The following AKAP6 variants were observed in gnomAD, a reference collection of about 807,000 sequenced individuals.
The protein encoded by AKAP6 is A-kinase anchor protein 6.
AKAP6 carries 58 observed loss-of-function variants against 188.5 expected under a neutral mutation model. That is an observed-to-expected ratio of 0.31 (90% confidence interval 0.25 to 0.38). The LOEUF is 0.38. Ranked by LOEUF, AKAP6 falls within the 10% of genes least tolerant of loss-of-function variation. The pLI is 1.00. For missense variants in AKAP6, 2,710 were observed against 2,740.0 expected (o/e 0.99, Z 0.24); for synonymous variants, 989 against 998.6 (o/e 0.99, Z 0.18).
At chr14:32,510,428 A>G (rs1176014300) in intron 2 of AKAP6, among the ~76,000 whole-genome samples, 2 of 87,510 alleles carry the variant, frequency 2.3e-5, no homozygotes, top group African/African-American at 1.3e-4. Context: ...ATATATACAT[A>G]TATATATGTG....
At chr14:32,344,187 G>C (rs952179936) in intron 1 of AKAP6, among the ~76,000 whole-genome samples, 1 of 152,168 alleles carries the variant, frequency 6.6e-6, no homozygotes, top group Non-Finnish European at 1.5e-5. Context: ...CATTGCCCAA[G>C]GCCATGTCCC....
chr14:32,358,083 G>T (rs1244373777), intron 1 of AKAP6, among the ~76,000 whole-genome samples: 3 of 152,140 alleles, frequency 2.0e-5, no homozygotes, highest in African/African-American at 7.2e-5. Flanking sequence ...ATTGAAAGAG[G>T]GCATCAAAGA....
rs113182099 is a variant in AKAP6 at position 32,446,973 on chromosome 14, T to C, written c.324+13156T>C. Among the ~76,000 whole-genome samples the C allele has an allele frequency of 8.9e-4, 135 of 152,332 alleles. 1 individual carries two copies. Among genetic ancestry groups the C allele is most frequent in the African/African-American group, 3.0e-3 (126 of 41,580 alleles). ...TTGTTACCCAAAGATAGCAAAAAAT[T>C]CTTATTCTGAAATGAAACTATTTAA... On this transcript the variant is annotated intron_variant, in intron 2 of 13. Coordinates refer to ENST00000280979, the MANE Select transcript of AKAP6 (RefSeq NM_004274.5).
intron 4 of AKAP6, among the ~76,000 whole-genome samples, chr14:32,550,530 G>T (rs1883409389): frequency 1.3e-5 from 2 of 152,138 alleles, no homozygotes; most frequent in Non-Finnish European, 2.9e-5. Context: ...CATATAATTT[G>T]TATATGACTT....
intron 2 of AKAP6, among the ~76,000 whole-genome samples, chr14:32,442,118 T>A (rs1435407083): frequency 6.6e-6 from 1 of 152,220 alleles, no homozygotes; most frequent in Non-Finnish European, 1.5e-5. Flanking sequence ...ATAGAGTATC[T>A]AATATATACT....
intron 2 of AKAP6, among the ~76,000 whole-genome samples, chr14:32,446,458 C>G (rs1890758716): frequency 6.6e-6 from 1 of 152,062 alleles, no homozygotes; most frequent in South Asian, 2.1e-4. Context: ...TTCTTGTGAT[C>G]TGCATGTATC....
At chr14:32,682,554 G>A (rs890792470) in intron 8 of AKAP6, among the ~76,000 whole-genome samples, 1 of 152,208 alleles carries the variant, frequency 6.6e-6, no homozygotes, top group African/African-American at 2.4e-5. Flanking sequence ...CAGACTGCTT[G>A]CTGTTTCATA....
intron 2 of AKAP6, among the ~76,000 whole-genome samples, chr14:32,440,608 G>C (rs900158361): frequency 1.3e-5 from 2 of 152,078 alleles, no homozygotes; most frequent in African/African-American, 4.8e-5. Flanking sequence ...CAAGATCTTT[G>C]ATATATACTT....
intron 12 of AKAP6, among the ~76,000 whole-genome samples, chr14:32,792,577 G>A (rs2033642360): frequency 6.6e-6 from 1 of 152,124 alleles, no homozygotes; most frequent in South Asian, 2.1e-4. Context: ...GAGGTAATTT[G>A]ACTTCCTCCC....
chr14:32,378,414 C>T (rs1319495693), intron 1 of AKAP6, among the ~76,000 whole-genome samples: 1 of 152,162 alleles, frequency 6.6e-6, no homozygotes, highest in African/African-American at 2.4e-5. Context: ...ATCCCTTCCC[C>T]CATGAAATAT....
At chr14:32,712,119 A>G (rs2029898580) in intron 9 of AKAP6, among the ~76,000 whole-genome samples, 1 of 152,056 alleles carries the variant, frequency 6.6e-6, no homozygotes, top group South Asian at 2.1e-4. Flanking sequence ...TACCACCATA[A>G]TAAGGCAAAT....
chr14:32,833,040 A>G lies in AKAP6; in HGVS notation c.*3235A>G, dbSNP rs543964742. The G allele has an allele frequency of 2.6e-5, 4 of 152,648 alleles. No individual in the cohort carries two copies. The highest frequency in any genetic ancestry group is 9.6e-5 in the African/African-American group (4 of 41,584). The allele number at this position is 152,648 out of a possible 1,614,324, so 9.5% of individuals were successfully genotyped here. A position where few individuals can be genotyped will look rare whatever the true frequency, so the allele number is the denominator to read the frequency against. ...GTTTATTCTATTATTGTAAATTTCAAACAATAAATAAATAAGAATCCATGA... is the reference window on the plus strand; with the variant it reads ...GTTTATTCTATTATTGTAAATTTCAGACAATAAATAAATAAGAATCCATGA... On this transcript the variant is annotated 3_prime_UTR_variant, in exon 14 of 14. Transcript: ENST00000280979.
rs1166941699 is a variant in AKAP6 at position 32,800,125 on chromosome 14, T to TAC, written c.3589-21271_3589-21270dup. 2.1e-5 allele frequency among the ~76,000 whole-genome samples: 3 copies of TAC among 142,452 alleles called. No individual in the cohort carries two copies. The South Asian group carries it at 6.5e-4, about 31-fold the overall frequency. 93.5% of individuals were successfully genotyped at this position (142,452 alleles called of 152,430 possible). ...ATAGAAATATATATACACATATATA[T>TAC]ACACACATATATATACACACATATA... On this transcript the variant is annotated intron_variant, in intron 12 of 13. Transcript: ENST00000280979.
In AKAP6 at chr14:32,823,896, A is replaced by C; in HGVS notation, c.6083A>C (p.Glu2028Ala). 1 of 1,613,912 alleles carries C rather than the reference A, an allele frequency of 6.2e-7. No homozygotes were observed. Among genetic ancestry groups the C allele is most frequent in the Non-Finnish European group, 8.5e-7 (1 of 1,179,938 alleles). ...CCLALEQNGT[E>A]ENASISNISC... ...CTAGCACTTGAACAAAACGGAACAG[A>C]GGAAAATGCTTCTATCAGCAACATT... Residue 2028 changes from glutamate to alanine, a missense_variant, in exon 13 of 14, where the codon GAG becomes GCG. Physicochemically the swap from Glu to Ala is moderately radical, Grantham distance 107. Coordinates refer to ENST00000280979, the MANE Select transcript of AKAP6 (RefSeq NM_004274.5).
intron 12 of AKAP6, among the ~76,000 whole-genome samples, chr14:32,806,968 C>T (rs1032778110): frequency 1.3e-5 from 2 of 151,368 alleles, no homozygotes; most frequent in Admixed American, 1.3e-4. Context: ...GTGGGAGACT[C>T]GTTTGAACCT....
At chr14:32,637,990 G>T (rs1352782723) in intron 7 of AKAP6, among the ~76,000 whole-genome samples, 1 of 152,106 alleles carries the variant, frequency 6.6e-6, no homozygotes, top group Non-Finnish European at 1.5e-5. Context: ...GAATCCAGTA[G>T]TGAGTCACAC....
chr14:32,544,718 T>C (rs1883111854), intron 3 of AKAP6, among the ~76,000 whole-genome samples: 1 of 152,210 alleles, frequency 6.6e-6, no homozygotes, highest in Non-Finnish European at 1.5e-5. Context: ...CTTTGATTCA[T>C]CAATATATGT....
At chr14:32,690,229 C>G (rs1302612167) in intron 8 of AKAP6, among the ~76,000 whole-genome samples, 2 of 151,508 alleles carry the variant, frequency 1.3e-5, no homozygotes, top group African/African-American at 4.9e-5. Flanking sequence ...TGTCTGTTTT[C>G]ATCAAAATTC....
chr14:32,488,858 C>A (rs535542502), intron 2 of AKAP6, among the ~76,000 whole-genome samples: 1 of 152,284 alleles, frequency 6.6e-6, no homozygotes, highest in African/African-American at 2.4e-5. Context: ...CTAACCAGTC[C>A]CAACGAAATG....
Sources: gnomAD v4.1 joint callset for allele counts (sites outside exome capture counted in the v4.1 genomes callset) on GRCh38, gnomAD v4.1.1 for gene constraint, MANE v1.5 for transcripts, NCBI Gene and HGNC (gene_info 2026-07-23, HGNC 2026-07-21) for gene names.